The following POSTN variants were observed in gnomAD, a reference collection of about 807,000 sequenced individuals.
POSTN encodes osteoblast specific factor 2 (fasciclin I-like).
In POSTN, 71 loss-of-function variants were observed where a neutral mutation model predicts 104.5. The observed-to-expected ratio is 0.68, with a 90% CI of 0.56 to 0.83. The LOEUF (loss-of-function observed/expected upper bound fraction) is 0.83, where lower values mean the gene tolerates loss of function less well. Ranked by LOEUF, POSTN falls within the 40% of genes least tolerant of loss-of-function variation. The pLI, the probability that POSTN is intolerant of heterozygous loss-of-function variation, is 0.00. For missense variants in POSTN, 949 were observed against 1,006.8 expected, an observed-to-expected ratio of 0.94 and a Z score of 0.78; for synonymous variants, 355 against 340.7, an observed-to-expected ratio of 1.04 and a Z score of -0.46.
At chr13:37,568,035 T>G (rs993227384) in intron 21 of POSTN, among the ~76,000 whole-genome samples, 1 of 152,046 alleles carries the variant, frequency 6.6e-6, no homozygotes, top group Non-Finnish European at 1.5e-5. Context: ...CAATTTAATC[T>G]TCATAATGTG....
At chr13:37,580,792 T>C in intron 10 of POSTN, 95 bp from the exon 11 acceptor site, 1 of 1,505,000 alleles carries the variant, frequency 6.6e-7, no homozygotes, top group Non-Finnish European at 9.1e-7. Flanking sequence ...GATCGGCCCT[T>C]CTGAGAGGTT....
chr13:37,580,503 G>T, intron 11 of POSTN, 58 bp downstream of exon 11: 1 of 1,599,750 alleles, frequency 6.3e-7, no homozygotes, highest in Non-Finnish European at 8.6e-7. Flanking sequence ...TACCGCCTAT[G>T]AAACAAAAAT....
chr13:37,569,644 A>G, intron 20 of POSTN, 100 bp downstream of exon 20: 1 of 971,944 alleles, frequency 1.0e-6, no homozygotes, highest in African/African-American at 1.6e-5. Context: ...GAAATGAACA[A>G]TAGATTGAGA....
At chr13:37,566,323 T>C (rs1437561245) in intron 21 of POSTN, among the ~76,000 whole-genome samples, 5 of 152,218 alleles carry the variant, frequency 3.3e-5, no homozygotes, top group African/African-American at 9.6e-5. Context: ...TCAATTATTT[T>C]GACATTTTAT....
At chr13:37,598,474 CT>C (rs1951151352) in intron 1 of POSTN, 133 bp downstream of exon 1, 29 of 741,882 alleles carry the variant, frequency 3.9e-5, no homozygotes, top group African/African-American at 5.3e-5. Context: ...TCACATTTTC[CT>C]TTTTTTCCTA....
chr13:37,583,139 G>C (rs146066148), intron 9 of POSTN, among the ~76,000 whole-genome samples: 1 of 152,058 alleles, frequency 6.6e-6, no homozygotes, highest in African/African-American at 2.4e-5. Context: ...CCTGAGAAAG[G>C]TCGAAGGTTG....
chr13:37,563,311 T>C lies in POSTN; in HGVS notation c.*22A>G. ...TTATTGACTTAGGGTTGTATAAACATTTTTTTCTGGTTTTTGGATTTTCAC... is the reference window on the plus strand; with the variant it reads ...TTATTGACTTAGGGTTGTATAAACACTTTTTTCTGGTTTTTGGATTTTCAC... On this transcript the variant is annotated 3_prime_UTR_variant, in exon 23 of 23. Coordinates refer to ENST00000379747, the MANE Select transcript of POSTN (RefSeq NM_006475.3). 2 of 1,556,952 alleles carry C rather than the reference T, an allele frequency of 1.3e-6. No individual in the cohort carries two copies. Among genetic ancestry groups the C allele is most frequent in the Non-Finnish European group, 1.8e-6 (2 of 1,134,602 alleles).
At chr13:37,594,290 A>G (rs916846346) in intron 2 of POSTN, among the ~76,000 whole-genome samples, 6 of 152,200 alleles carry the variant, frequency 3.9e-5, no homozygotes, top group Non-Finnish European at 8.8e-5. Context: ...GAAATTTAAC[A>G]AAAAATTATT....
At chr13:37,583,443 G>A (rs1375142967) in intron 9 of POSTN, among the ~76,000 whole-genome samples, 1 of 127,298 alleles carries the variant, frequency 7.9e-6, no homozygotes, top group Non-Finnish European at 1.6e-5. Flanking sequence ...TTTAAGTTTC[G>A]TTTTTTTTTT....
At chr13:37,573,913 A>T (rs1383027895) in intron 17 of POSTN, among the ~76,000 whole-genome samples, 2 of 120,984 alleles carry the variant, frequency 1.7e-5, no homozygotes, top group East Asian at 5.3e-4. Context: ...AGTCTGAAAC[A>T]TCAGGAGAGA....
At chr13:37,566,528 C>T (rs1459655406) in intron 21 of POSTN, among the ~76,000 whole-genome samples, 1 of 152,132 alleles carries the variant, frequency 6.6e-6, no homozygotes, top group Non-Finnish European at 1.5e-5. Flanking sequence ...GGTATCACTA[C>T]TATCCTCACT....
intron 21 of POSTN, among the ~76,000 whole-genome samples, chr13:37,566,114 A>G (rs1950091343): frequency 1.3e-5 from 2 of 152,194 alleles, no homozygotes; most frequent in Admixed American, 1.3e-4. Flanking sequence ...TGTCAAACAA[A>G]TACTTTGAAA....
At chr13:37,586,727 G>A in intron 6 of POSTN, 55 bp downstream of exon 6, 1 of 1,501,432 alleles carries the variant, frequency 6.7e-7, no homozygotes, top group Non-Finnish European at 9.0e-7. Context: ...TTTAGATTTT[G>A]ACAGGAGAAG....
intron 4 of POSTN, 36 bp downstream of exon 4, chr13:37,590,336 C>T: frequency 6.9e-7 from 1 of 1,459,670 alleles, no homozygotes; most frequent in South Asian, 1.4e-5. Context: ...ACAATAACAG[C>T]AAAAAATAAA....
At chr13:37,574,122 G>A (rs1404708697) in intron 17 of POSTN, among the ~76,000 whole-genome samples, 3 of 150,890 alleles carry the variant, frequency 2.0e-5, no homozygotes, top group Non-Finnish European at 4.4e-5. Context: ...AGTAAACATA[G>A]CTTCTATGCT....
Position 37,598,740 on chromosome 13 carries a change from G to C in POSTN, c.-14C>G, listed in dbSNP as rs529347707. On this transcript the variant is annotated 5_prime_UTR_variant, in exon 1 of 23. Coordinates refer to ENST00000379747, the MANE Select transcript of POSTN (RefSeq NM_006475.3). ...AAAGGGAATCATCTTGAGTCTCTCCGTTGCAGTTAGTCCCCGAAGAGAACT... is the reference window on the plus strand; with the variant it reads ...AAAGGGAATCATCTTGAGTCTCTCCCTTGCAGTTAGTCCCCGAAGAGAACT... 3.1e-6 allele frequency: 5 copies of C among 1,611,230 alleles called. No individual in the cohort carries two copies. The highest frequency in any genetic ancestry group is 2.7e-5 in the African/African-American group (2 of 74,966).
intron 8 of POSTN, 77 bp downstream of exon 8, chr13:37,584,639 C>T: frequency 1.7e-6 from 2 of 1,206,982 alleles, no homozygotes; most frequent in Non-Finnish European, 2.3e-6. Context: ...TTTTCATGGA[C>T]TTACTCTTTG....
Position 37,569,310 on chromosome 13 carries a change from C to A in POSTN, c.2421G>T (p.Leu807=), listed in dbSNP as rs1423144092. 6.2e-7 allele frequency: 1 copy of A among 1,611,626 alleles called. No homozygotes were observed. Among genetic ancestry groups the A allele is most frequent in the Non-Finnish European group, 8.5e-7 (1 of 1,178,068 alleles). Residue 807 remains leucine (L), a synonymous_variant, in exon 21 of 23, where the codon CTG becomes CTT. Coordinates refer to ENST00000379747, the MANE Select transcript of POSTN (RefSeq NM_006475.3). ...HLFEDEEIKR[L]LQGDTPVRKL... is the part of the protein sequence containing the mutation. ...TGTCCTTTTACTAACCTCCCTGAAG[C>A]AGTCTTTTAATTTCTTCATCTTCAA...
chr13:37,583,326 A>G (rs940556045), intron 9 of POSTN, among the ~76,000 whole-genome samples: 1 of 151,934 alleles, frequency 6.6e-6, no homozygotes, highest in Non-Finnish European at 1.5e-5. Flanking sequence ...AAATATTATT[A>G]TGTTGGTATC....
Sources: allele counts gnomAD v4.1 joint callset (sites outside exome capture counted in the v4.1 genomes callset), GRCh38; gene constraint gnomAD v4.1.1; transcripts MANE v1.5; gene names NCBI Gene and HGNC (gene_info 2026-07-23, HGNC 2026-07-21).